The following HRG variants were observed in gnomAD, a reference collection of about 807,000 sequenced individuals.
HRG encodes the protein histidine-rich glycoprotein.
In HRG, 26 loss-of-function variants were observed where a neutral mutation model predicts 29.5. That is an observed-to-expected ratio of 0.88 (90% confidence interval 0.65 to 1.22). HRG has a LOEUF of 1.22. Ranked by LOEUF, HRG falls within the 50% of genes most tolerant of loss-of-function variation. HRG has a pLI of 0.00. For synonymous variants in HRG, 243 were observed against 240.4 expected (o/e 1.01, Z -0.10); for missense variants, 671 against 654.5 (o/e 1.03, Z -0.28).
intron 2 of HRG, 113 bp downstream of exon 2, chr3:186,669,164 C>T: frequency 1.3e-6 from 1 of 780,934 alleles, no homozygotes; most frequent in South Asian, 1.4e-5. Context: ...CAGCTTTTGC[C>T]TTGAGATTCA....
chr3:186,678,148 C>G lies in HRG; in HGVS notation c.*265C>G, dbSNP rs145523957. ...AATCTATGCCACTCAGAATCTCCTT[C>G]TTTCCTGGACTTAACTCTAATTCTA... On this transcript the variant is annotated 3_prime_UTR_variant, in exon 7 of 7. Transcript: ENST00000232003. The G allele has an allele frequency of 1.2e-4, 54 of 442,926 alleles. No individual in the cohort carries two copies. Among genetic ancestry groups the G allele is most frequent in the African/African-American group, 1.1e-3 (53 of 50,352 alleles). The allele number at this position is 442,926 out of a possible 1,614,324, so 27.4% of individuals were successfully genotyped here.
chr3:186,676,916 T>C (rs1197608085), intron 6 of HRG, 131 bp from the exon 7 acceptor site: 5 of 1,031,896 alleles, frequency 4.8e-6, no homozygotes, highest in African/African-American at 1.6e-5. Flanking sequence ...TTGAGAATCT[T>C]TTTTCGTAAT....
intron 1 of HRG, among the ~76,000 whole-genome samples, chr3:186,666,549 T>C: frequency 6.6e-6 from 1 of 152,164 alleles, no homozygotes; most frequent in Non-Finnish European, 1.5e-5. Context: ...CAGTGTAAGT[T>C]ACTAGGATAA....
At chr3:186,671,126 A>G (rs557381498) in intron 3 of HRG, among the ~76,000 whole-genome samples, 73 of 150,944 alleles carry the variant, frequency 4.8e-4, no homozygotes, top group Admixed American at 2.0e-4. Flanking sequence ...GGTTGAGGCC[A>G]GAGGGTTGCT....
At position 186,677,436 on chromosome 3, in the gene HRG, T is replaced by C; in HGVS notation, c.1131T>C (p.His377=). The change falls in exon 7 of 7, where the codon CAT becomes CAC. Residue 377 remains histidine, a synonymous_variant. Coordinates refer to ENST00000232003, the MANE Select transcript of HRG (RefSeq NM_000412.5). Reference sequence around the variant, plus strand: ...ACCATCCTCATGAACATGATACCCATAGACAGCATCCCCATGGACACCACC... The same window carrying C: ...ACCATCCTCATGAACATGATACCCACAGACAGCATCCCCATGGACACCACC... The part of the protein sequence containing the change: ...HAHHPHEHDT[H]RQHPHGHHPH... 6.3e-7 allele frequency: 1 copy of C among 1,598,128 alleles called. No individual in the cohort carries two copies. Among genetic ancestry groups the C allele is most frequent in the African/African-American group, 1.3e-5 (1 of 74,592 alleles).
At chr3:186,675,052 TG>T in intron 5 of HRG, 36 bp from the exon 6 acceptor site, 1 of 1,391,486 alleles carries the variant, frequency 7.2e-7, no homozygotes, top group Non-Finnish European at 1.0e-6. Context: ...TCACACCACC[TG>T]GACACACACA....
At chr3:186,668,335 T>C (rs1299184093) in intron 1 of HRG, among the ~76,000 whole-genome samples, 1 of 152,020 alleles carries the variant, frequency 6.6e-6, no homozygotes, top group East Asian at 1.9e-4. Flanking sequence ...GGAATAGACA[T>C]GAGAGACGTT....
chr3:186,670,532 C>G (rs1296354234), intron 3 of HRG, among the ~76,000 whole-genome samples: 2 of 152,070 alleles, frequency 1.3e-5, no homozygotes, highest in Non-Finnish European at 2.9e-5. Flanking sequence ...ACTCTAAATT[C>G]CACAGCTTTT....
intron 2 of HRG, 100 bp from the exon 3 acceptor site, chr3:186,669,838 A>G (rs1218529612): frequency 1.6e-5 from 12 of 770,470 alleles, no homozygotes; most frequent in Non-Finnish European, 2.4e-5. Context: ...TTAAATGAAC[A>G]GTAGGAGGAT....
At chr3:186,673,095 A>G (rs1269521084) in intron 5 of HRG, 2 of 603,790 alleles carry the variant, frequency 3.3e-6, no homozygotes, top group Non-Finnish European at 5.9e-6. Context: ...TACACATCAG[A>G]TAACTTATTG....
intron 2 of HRG, chr3:186,669,520 A>G: frequency 2.8e-6 from 1 of 354,838 alleles, no homozygotes; most frequent in Non-Finnish European, 5.4e-6. Context: ...TAGGATATAC[A>G]CTGAGGAATA....
At chr3:186,673,003 A>T (rs1718854808) in intron 5 of HRG, 136 bp downstream of exon 5, 1 of 716,210 alleles carries the variant, frequency 1.4e-6, no homozygotes, top group Non-Finnish European at 2.5e-6. Flanking sequence ...GAGGAGGAGG[A>T]GAAGGAGGAA....
In HRG at chr3:186,677,332, A is replaced by G. The variant is rs1005633739; in HGVS notation, c.1027A>G (p.Asn343Asp). The change falls in exon 7 of 7, where the codon AAT becomes GAT. Residue 343 changes from asparagine (N) to aspartate (D), a missense_variant. Asn to Asp is a conservative substitution (Grantham distance 23). Transcript: ENST00000232003. Reference protein sequence around the residue: ...GTNGAQRHSHNNNSSDLHPHK... With the variant: ...GTNGAQRHSHDNNSSDLHPHK... ...AAATGGGGCCCAAAGACATTCTCAT[A>G]ATAATAATTCCAGTGACCTCCATCC... 2 of 1,613,942 alleles carry G rather than the reference A, an allele frequency of 1.2e-6. No homozygotes were observed. The highest frequency in any genetic ancestry group is 2.7e-5 in the African/African-American group (2 of 74,880).
chr3:186,675,014 T>C, intron 5 of HRG, 75 bp from the exon 6 acceptor site: 3 of 935,594 alleles, frequency 3.2e-6, no homozygotes, highest in Admixed American at 1.7e-5. Flanking sequence ...TTTCTGAATG[T>C]CTGGAAGCTA....
At position 186,677,603 on chromosome 3, in the gene HRG, C is replaced by T. The variant is rs750560387; in HGVS notation, c.1298C>T (p.Pro433Leu). Residue 433 changes from proline to leucine, a missense_variant, in exon 7 of 7, where the codon CCA becomes CTA. By Grantham distance (98) the Pro-to-Leu change is moderately conservative (BLOSUM62 -3). Transcript: ENST00000232003. ...GGTCACTGTTGCCATGGCCACGGCC[C>T]ACCACCTGGGCACTTAAGAAGGCGA... is the stretch of plus-strand genomic sequence containing the variant. ...NQGHCCHGHG[P>L]PPGHLRRRGP... 3 of 1,614,164 alleles carry T rather than the reference C, an allele frequency of 1.9e-6. No individual in the cohort carries two copies. The highest frequency in any genetic ancestry group is 1.7e-6 in the Non-Finnish European group (2 of 1,180,020).
At chr3:186,671,401 G>C (rs552715651) in intron 3 of HRG, among the ~76,000 whole-genome samples, 2 of 151,714 alleles carry the variant, frequency 1.3e-5, no homozygotes, top group African/African-American at 4.8e-5. Context: ...AAGGCATCAT[G>C]AGTAGGGGTC....
intron 6 of HRG, among the ~76,000 whole-genome samples, chr3:186,676,076 T>C (rs1048078113): frequency 6.6e-6 from 1 of 151,932 alleles, no homozygotes; most frequent in Non-Finnish European, 1.5e-5. Flanking sequence ...TCCATGTTGG[T>C]CAGGTTGGTC....
In HRG at chr3:186,672,883, G is replaced by A. The variant is rs745726964; in HGVS notation, c.639+16G>A. ...ACACCCCAATGTGAGTATAAGAAATGTCTGTGATCGTTGACTAGAGTCACA... is the reference window on the plus strand; with the variant it reads ...ACACCCCAATGTGAGTATAAGAAATATCTGTGATCGTTGACTAGAGTCACA... On this transcript the variant is annotated intron_variant, in intron 5 of 6. Transcript: ENST00000232003. 5.3e-5 allele frequency: 80 copies of A among 1,516,574 alleles called. No homozygotes were observed. Among genetic ancestry groups the A allele is most frequent in the Non-Finnish European group, 6.5e-5 (71 of 1,092,030 alleles). The allele number at this position is 1,516,574 out of a possible 1,614,324, so 93.9% of individuals were successfully genotyped here. A position where few individuals can be genotyped will look rare whatever the true frequency, so the allele number is the denominator to read the frequency against.
rs748041340 is a variant in HRG, at chr3:186,675,148, C to A, written c.699C>A (p.Ser233Arg). The stretch of plus-strand genomic sequence containing the variant: ...ATGTAGAAGCCTTGGACTTGGAAAG[C>A]CCGAAAAACCTTGTCATAAACTGTG... Reference protein sequence around the residue: ...FYDVEALDLESPKNLVINCEV... With the variant: ...FYDVEALDLERPKNLVINCEV... Residue 233 changes from serine to arginine, a missense_variant, in exon 6 of 7, where the codon AGC becomes AGA. Ser to Arg is a moderately radical substitution (Grantham distance 110, BLOSUM62 -1). Coordinates refer to ENST00000232003, the MANE Select transcript of HRG (RefSeq NM_000412.5). 1.1e-5 allele frequency: 18 copies of A among 1,613,774 alleles called. No individual in the cohort carries two copies. In the Admixed American group the frequency reaches 2.8e-4, roughly 25 times the overall value.
Sources: allele counts gnomAD v4.1 joint callset (sites outside exome capture counted in the v4.1 genomes callset), GRCh38; gene constraint gnomAD v4.1.1; transcripts MANE v1.5; gene names NCBI Gene and HGNC (gene_info 2026-07-23, HGNC 2026-07-21).